The following CMBL variants were observed in gnomAD, a reference collection of about 807,000 sequenced individuals.
The protein encoded by CMBL is carboxymethylenebutenolidase homolog (Pseudomonas).
Under a neutral mutation model 28.7 loss-of-function variants are expected in CMBL, and 17 were observed. The observed-to-expected ratio is 0.59, with a 90% CI of 0.41 to 0.89. The LOEUF (loss-of-function observed/expected upper bound fraction) is 0.89, where lower values mean the gene tolerates loss of function less well. Ranked by LOEUF, CMBL falls within the 40% of genes least tolerant of loss-of-function variation. The pLI, the probability that CMBL is intolerant of heterozygous loss-of-function variation, is 0.00. For synonymous variants in CMBL, 106 were observed against 101.6 expected (o/e 1.04, Z -0.26); for missense variants, 310 against 298.5 (o/e 1.04, Z -0.28).
chr5:10,286,523 G>C (rs1167428493), intron 3 of CMBL, 27 bp from the exon 4 acceptor site: 5 of 1,604,418 alleles, frequency 3.1e-6, no homozygotes, highest in Non-Finnish European at 4.3e-6. Context: ...AAATATTCAA[G>C]AATCAGGCTT....
chr5:10,283,407 A>G (rs887437361), intron 4 of CMBL, among the ~76,000 whole-genome samples: 2 of 152,154 alleles, frequency 1.3e-5, no homozygotes, highest in African/African-American at 4.8e-5. Context: ...TTGAGTGGGT[A>G]TTTAGACTCG....
In CMBL at chr5:10,289,852, T is replaced by C. The variant is rs34570087; in HGVS notation, c.215+696A>G. 0.45 allele frequency among the ~76,000 whole-genome samples: 68,257 copies of C among 151,842 alleles called. 19,233 individuals carry two copies. The highest frequency in any genetic ancestry group is 0.64 in the Non-Finnish European group (43,498 of 67,826). ...TAGGCTCATCCTCGGGTTTCCAGCT[T>C]CTCCTTCTGTGAAAACAAAGGAAAT... On this transcript the variant is annotated intron_variant, in intron 2 of 5. Coordinates refer to ENST00000296658, the MANE Select transcript of CMBL (RefSeq NM_138809.4). The surrounding 1 kb of genome is among the most constrained non-coding windows in gnomAD (Gnocchi z 4.3).
chr5:10,306,874 G>A (rs1234088854), intron 1 of CMBL, among the ~76,000 whole-genome samples: 1 of 152,134 alleles, frequency 6.6e-6, no homozygotes, highest in Admixed American at 6.5e-5. Context: ...CTGTTCCTAG[G>A]CCTGGATAGG....
At position 10,277,899 on chromosome 5, in the gene CMBL, C is replaced by T. The variant is rs1746422888; in HGVS notation, c.*2554G>A. Reference sequence around the variant, plus strand: ...ATTCTCGCACGAATTTCAGACCTCCCACCTATGTTGAAGACTCTGGCTACT... The same window carrying T: ...ATTCTCGCACGAATTTCAGACCTCCTACCTATGTTGAAGACTCTGGCTACT... On this transcript the variant is annotated 3_prime_UTR_variant, in exon 6 of 6. Coordinates refer to ENST00000296658, the MANE Select transcript of CMBL (RefSeq NM_138809.4). Among the ~76,000 whole-genome samples, 1 of 152,212 alleles carries T rather than the reference C, an allele frequency of 6.6e-6. No individual in the cohort carries two copies. Among genetic ancestry groups the T allele is most frequent in the African/African-American group, 2.4e-5 (1 of 41,456 alleles).
In CMBL at chr5:10,286,471, G is replaced by T; in HGVS notation, c.349C>A (p.Leu117Met). Reference sequence around the variant, plus strand: ...TTCTGGGCATGACACTGTTGTTTCAGATACTTCAAGATAGCACTGATCTCT... The same window carrying T: ...TTCTGGGCATGACACTGTTGTTTCATATACTTCAAGATAGCACTGATCTCT... ...DREISAILKY[L>M]KQQCHAQKIG... Residue 117 changes from leucine to methionine, a missense_variant, in exon 4 of 6, where the codon CTG becomes ATG. By Grantham distance (15) the Leu-to-Met change is conservative. Coordinates refer to ENST00000296658, the MANE Select transcript of CMBL (RefSeq NM_138809.4). The T allele has an allele frequency of 6.2e-7, 1 of 1,614,062 alleles. No individual in the cohort carries two copies. Among genetic ancestry groups the T allele is most frequent in the South Asian group, 1.1e-5 (1 of 91,064 alleles).
intron 4 of CMBL, among the ~76,000 whole-genome samples, chr5:10,284,869 A>C (rs1479138179): frequency 6.6e-6 from 1 of 152,222 alleles, no homozygotes; most frequent in Non-Finnish European, 1.5e-5. Context: ...TCATGAATTT[A>C]GCAAGCAGTT....
chr5:10,295,598 A>C (rs1040251505), intron 1 of CMBL, among the ~76,000 whole-genome samples: 7 of 152,208 alleles, frequency 4.6e-5, no homozygotes, highest in Non-Finnish European at 8.8e-5. Flanking sequence ...CAGAGCCCTC[A>C]AGAATGGGAT....
chr5:10,287,782 C>G (rs1336517525), intron 3 of CMBL, among the ~76,000 whole-genome samples: 2 of 151,760 alleles, frequency 1.3e-5, no homozygotes, highest in African/African-American at 4.8e-5. Context: ...GCCATCTTGG[C>G]TCACTGCAAT....
intron 1 of CMBL, among the ~76,000 whole-genome samples, chr5:10,294,656 C>T (rs985820799): frequency 6.6e-6 from 1 of 152,010 alleles, no homozygotes; most frequent in Admixed American, 6.6e-5. Flanking sequence ...ATGGCTCCAG[C>T]AACAATCCAG....
In CMBL at chr5:10,294,752, C is replaced by G. The variant is rs531176759; in HGVS notation, c.-19-3971G>C. On this transcript the variant is annotated intron_variant, in intron 1 of 5. Transcript: ENST00000296658. Reference sequence around the variant, plus strand: ...GTGGACAGATTTTACGGCAGAGCCACTCAGTTCTGCTGACAGATTGTATCT... The same window carrying G: ...GTGGACAGATTTTACGGCAGAGCCAGTCAGTTCTGCTGACAGATTGTATCT... 3.3e-5 allele frequency among the ~76,000 whole-genome samples: 5 copies of G among 152,312 alleles called. 1 individual carries two copies. In the South Asian group the frequency reaches 8.3e-4, roughly 25 times the overall value.
intron 1 of CMBL, among the ~76,000 whole-genome samples, chr5:10,304,416 A>G (rs150176038): frequency 1.7e-4 from 26 of 152,258 alleles, no homozygotes; most frequent in African/African-American, 6.0e-4. Context: ...AACCCCTCCT[A>G]TAGCTTATTG....
chr5:10,298,579 G>A (rs1332023526), intron 1 of CMBL, among the ~76,000 whole-genome samples: 1 of 152,148 alleles, frequency 6.6e-6, no homozygotes, highest in Non-Finnish European at 1.5e-5. Flanking sequence ...ATGACCAGAG[G>A]TCTGGGATTT....
intron 4 of CMBL, among the ~76,000 whole-genome samples, chr5:10,282,567 G>C (rs1051951096): frequency 6.6e-6 from 1 of 152,136 alleles, no homozygotes; most frequent in Non-Finnish European, 1.5e-5. Context: ...TGGATGGCTT[G>C]GGCTCAGGAG....
Position 10,280,677 on chromosome 5 carries a change from T to G in CMBL, c.559-45A>C, listed in dbSNP as rs761470815. ...ATGATTTTAACCCTTTAGTGATACTTTCCATTCTCCAAATCTTTAGTGAGC... is the reference window on the plus strand; with the variant it reads ...ATGATTTTAACCCTTTAGTGATACTGTCCATTCTCCAAATCTTTAGTGAGC... On this transcript the variant is annotated intron_variant, in intron 5 of 5. Coordinates refer to ENST00000296658, the MANE Select transcript of CMBL (RefSeq NM_138809.4). The G allele has an allele frequency of 4.7e-6, 7 of 1,503,914 alleles. No homozygotes were observed. The Admixed American group carries it at 1.2e-4, about 27-fold the overall frequency. 93.2% of individuals were successfully genotyped at this position (1,503,914 alleles called of 1,614,324 possible). A position where few individuals can be genotyped will look rare whatever the true frequency, so the allele number is the denominator to read the frequency against.
Position 10,307,830 on chromosome 5 carries a change from AGAGAAATCT to A in CMBL, c.-234_-226del, listed in dbSNP as rs1415989636. On this transcript the variant is annotated 5_prime_UTR_variant, in exon 1 of 6. Coordinates refer to ENST00000296658, the MANE Select transcript of CMBL (RefSeq NM_138809.4). ...AGGTGGAGGAGGGAGGCCTGGGGGA[AGAGAAATCT>A]GCAAAGTCGGGGAAGGGAAGGAAGG... The A allele has an allele frequency of 6.6e-6, 1 of 150,418 alleles. No homozygotes were observed. Among genetic ancestry groups the A allele is most frequent in the Admixed American group, 6.6e-5 (1 of 15,078 alleles). The allele number at this position is 150,418 out of a possible 1,614,324, so 9.3% of individuals were successfully genotyped here.
At chr5:10,304,566 T>C (rs1402939791) in intron 1 of CMBL, among the ~76,000 whole-genome samples, 1 of 152,236 alleles carries the variant, frequency 6.6e-6, no homozygotes, top group East Asian at 1.9e-4. Flanking sequence ...TGCAACACTT[T>C]ATGAGAAATA....
chr5:10,303,435 T>C (rs923155021), intron 1 of CMBL, among the ~76,000 whole-genome samples: 2 of 152,226 alleles, frequency 1.3e-5, no homozygotes, highest in Non-Finnish European at 2.9e-5. Context: ...CATGTATTTA[T>C]TAAAAGATAA....
intron 4 of CMBL, 22 bp downstream of exon 4, chr5:10,286,332 A>G (rs1387287396): frequency 1.9e-6 from 3 of 1,609,326 alleles, no homozygotes; most frequent in Non-Finnish European, 2.5e-6. Flanking sequence ...GCATGGAGTA[A>G]AAATGCACAA....
At chr5:10,285,442 T>C (rs1402685042) in intron 4 of CMBL, among the ~76,000 whole-genome samples, 2 of 151,854 alleles carry the variant, frequency 1.3e-5, no homozygotes, top group Non-Finnish European at 2.9e-5. Context: ...GCTGGGATTA[T>C]AGGCGTGAGC....
Sources: allele counts gnomAD v4.1 joint callset (sites outside exome capture counted in the v4.1 genomes callset), GRCh38; gene constraint gnomAD v4.1.1; non-coding constraint Gnocchi (gnomAD v3.1); transcripts MANE v1.5; gene names NCBI Gene and HGNC (gene_info 2026-07-23, HGNC 2026-07-21).